NRXN3: variants seen among roughly 807,000 people sequenced by gnomAD.
NRXN3 encodes neurexin III.
Under a neutral mutation model 137.6 loss-of-function variants are expected in NRXN3, and 32 were observed. That is an observed-to-expected ratio of 0.23 (90% CI 0.18 to 0.31). NRXN3 has a LOEUF of 0.31. Among genes scored for constraint, NRXN3 ranks in the 10% least tolerant of loss-of-function variants. The pLI is 1.00. For synonymous variants in NRXN3, 798 were observed against 784.5 expected (o/e 1.02, Z -0.29); for missense variants, 1,574 against 2,062.5 (o/e 0.76, Z 4.59).
intron 15 of NRXN3, among the ~76,000 whole-genome samples, chr14:79,093,873 G>A (rs1056741402): frequency 1.3e-4 from 20 of 151,224 alleles, no homozygotes; most frequent in African/African-American, 4.9e-4. Flanking sequence ...CAGAACTGAC[G>A]AGTCATATAT....
intron 16 of NRXN3, among the ~76,000 whole-genome samples, chr14:79,543,037 C>T (rs1158747469): frequency 6.6e-6 from 1 of 152,132 alleles, no homozygotes; most frequent in Non-Finnish European, 1.5e-5. Flanking sequence ...ACATATTTTT[C>T]TCCTCTAACT....
chr14:79,652,308 A>G (rs1318298103), intron 16 of NRXN3, among the ~76,000 whole-genome samples: 1 of 148,450 alleles, frequency 6.7e-6, no homozygotes, highest in Non-Finnish European at 1.5e-5. Flanking sequence ...TAGCTCACTC[A>G]TAAAGAAGAG....
At chr14:79,175,556 T>C (rs2062246210) in intron 15 of NRXN3, among the ~76,000 whole-genome samples, 1 of 152,222 alleles carries the variant, frequency 6.6e-6, no homozygotes, top group African/African-American at 2.4e-5. Context: ...ACATCTTATT[T>C]TTAAGGCAGG....
At chr14:79,065,466 G>A (rs1002023041) in intron 15 of NRXN3, among the ~76,000 whole-genome samples, 2 of 152,094 alleles carry the variant, frequency 1.3e-5, no homozygotes, top group African/African-American at 2.4e-5. Context: ...GTAGCCTATG[G>A]CAGATATTTT....
chr14:78,187,117 T>C (rs2153366409), intron 1 of NRXN3, among the ~76,000 whole-genome samples: 1 of 152,306 alleles, frequency 6.6e-6, no homozygotes, highest in African/African-American at 2.4e-5. Context: ...GCTGTTCAGA[T>C]CGTCATGAAG....
At chr14:78,408,675 C>T (rs1308117640) in intron 4 of NRXN3, among the ~76,000 whole-genome samples, 1 of 152,202 alleles carries the variant, frequency 6.6e-6, no homozygotes, top group Non-Finnish European at 1.5e-5. Context: ...CTCTGAATAG[C>T]TTATTTCAGG....
rs546942265 is a variant in NRXN3, at chr14:78,414,249, C to T, written c.757+116389C>T. ...ATATTGTCAAGTTGAGAGGAGGTAGCGAAGTGTGTAAGGTGTAAGTGTAGT... is the reference window on the plus strand; with the variant it reads ...ATATTGTCAAGTTGAGAGGAGGTAGTGAAGTGTGTAAGGTGTAAGTGTAGT... On this transcript the variant is annotated intron_variant, in intron 4 of 20. Transcript: ENST00000335750. Among the ~76,000 whole-genome samples the T allele has an allele frequency of 4.6e-5, 7 of 151,470 alleles. No homozygotes were observed. In the East Asian group the frequency reaches 7.8e-4, roughly 17 times the overall value.
At chr14:79,476,654 A>T (rs931093915) in intron 16 of NRXN3, among the ~76,000 whole-genome samples, 11 of 152,080 alleles carry the variant, frequency 7.2e-5, no homozygotes, top group Non-Finnish European at 1.6e-4. Context: ...CATTGATACC[A>T]TTACTATCAC....
intron 16 of NRXN3, among the ~76,000 whole-genome samples, chr14:79,514,850 T>TTCTTTTTCTTC (rs1567349837): frequency 6.6e-6 from 1 of 151,006 alleles, no homozygotes; most frequent in African/African-American, 2.5e-5. Flanking sequence ...ACTGCTTCTC[T>TTCTTTTTCTTC]TTAAAAAGTG....
chr14:79,234,309 T>TA (rs2072862718), intron 15 of NRXN3, among the ~76,000 whole-genome samples: 1 of 93,446 alleles, frequency 1.1e-5, no homozygotes, highest in Admixed American at 9.8e-5. Flanking sequence ...TATATATATA[T>TA]ATATATATAT....
At chr14:78,310,235 A>G (rs974765343) in intron 4 of NRXN3, among the ~76,000 whole-genome samples, 2 of 146,852 alleles carry the variant, frequency 1.4e-5, no homozygotes, top group South Asian at 4.3e-4. Flanking sequence ...AAGGTCATTC[A>G]TCCTGAGAGT....
At chr14:79,219,028 G>A (rs529457779) in intron 15 of NRXN3, among the ~76,000 whole-genome samples, 5 of 152,060 alleles carry the variant, frequency 3.3e-5, no homozygotes, top group Non-Finnish European at 7.4e-5. Flanking sequence ...AAAAATATAT[G>A]TTTAATTTTG....
At chr14:78,203,841 TTGTGTGTGTGTGTGGTTTG>T (rs2061924770) in intron 1 of NRXN3, among the ~76,000 whole-genome samples, 5 of 77,926 alleles carry the variant, frequency 6.4e-5, no homozygotes, top group African/African-American at 2.5e-4. Context: ...TGTGTGTGGT[TTGTGTGTGTGTGTGGTTTG>T]TGTGTGTGTG....
intron 4 of NRXN3, among the ~76,000 whole-genome samples, chr14:78,536,006 C>T (rs967094300): frequency 2.6e-5 from 4 of 152,088 alleles, no homozygotes; most frequent in Non-Finnish European, 5.9e-5. Flanking sequence ...TCTCATCAGA[C>T]TCATGATTCC....
At chr14:78,755,083 G>C (rs964539351) in intron 8 of NRXN3, among the ~76,000 whole-genome samples, 1 of 152,014 alleles carries the variant, frequency 6.6e-6, no homozygotes, top group African/African-American at 2.4e-5. Flanking sequence ...CTAAAGTGAA[G>C]TGGCACGATC....
intron 4 of NRXN3, among the ~76,000 whole-genome samples, chr14:78,427,888 G>A (rs997729514): frequency 6.6e-6 from 1 of 152,172 alleles, no homozygotes; most frequent in Non-Finnish European, 1.5e-5. Context: ...GAAGAAAGGG[G>A]TCCCTCCTGA....
chr14:79,481,940 G>T lies in NRXN3; in HGVS notation c.3444+14538G>T, dbSNP rs905743214. Among the ~76,000 whole-genome samples, 5 of 152,092 alleles carry T rather than the reference G, an allele frequency of 3.3e-5. No homozygotes were observed. The East Asian group carries it at 5.8e-4, about 18-fold the overall frequency. On this transcript the variant is annotated intron_variant, in intron 16 of 20. Transcript: ENST00000335750. ...TGAGTCAAGAGTTGTGGGCCCAGGT[G>T]GGGGACATCTGATTGTCAGAAGTGC...
Position 79,800,885 on chromosome 14 carries a change from C to G in NRXN3, c.4015-4227C>G, listed in dbSNP as rs76121660. On this transcript the variant is annotated intron_variant, in intron 19 of 20. Coordinates refer to ENST00000335750, the MANE Select transcript of NRXN3 (RefSeq NM_001330195.2). ...TTAAGCCGCTCATATCATCCAAAAG[C>G]CTTGGTTTGTAATGTTTGGATTTTC... Among the ~76,000 whole-genome samples the G allele has an allele frequency of 2.2e-3, 337 of 152,254 alleles. 10 individuals are homozygous for G. The East Asian group carries it at 0.044, about 20-fold the overall frequency.
intron 8 of NRXN3, among the ~76,000 whole-genome samples, chr14:78,764,048 C>T (rs2098700999): frequency 6.6e-6 from 1 of 152,130 alleles, no homozygotes; most frequent in Admixed American, 6.5e-5. Flanking sequence ...TCTAATGTTC[C>T]CCACTACAGA....
Sources: allele counts gnomAD v4.1 joint callset (sites outside exome capture counted in the v4.1 genomes callset), GRCh38; gene constraint gnomAD v4.1.1; transcripts MANE v1.5; gene names NCBI Gene and HGNC (gene_info 2026-07-23, HGNC 2026-07-21).